The following TRPM6 variants were observed in gnomAD, a reference collection of about 807,000 sequenced individuals.
TRPM6 encodes the protein transient receptor potential cation channel subfamily M member 6, also known as channel kinase 2.
In TRPM6, 111 loss-of-function variants were observed where a neutral mutation model predicts 247.6. That is an observed-to-expected ratio of 0.45 (90% CI 0.38 to 0.52). The LOEUF is 0.52. TRPM6 is among the 20% of genes least tolerant of loss of function. TRPM6 has a pLI of 0.00. For synonymous variants in TRPM6, 892 were observed against 853.8 expected, an observed-to-expected ratio of 1.04 and a Z score of -0.78; for missense variants, 2,126 against 2,421.5, an observed-to-expected ratio of 0.88 and a Z score of 2.56.
intron 25 of TRPM6, among the ~76,000 whole-genome samples, chr9:74,767,327 G>A (rs1464376658): frequency 6.6e-6 from 1 of 152,140 alleles, no homozygotes; most frequent in Non-Finnish European, 1.5e-5. Flanking sequence ...AAAGGGAAAA[G>A]CTGACTTACA....
intron 36 of TRPM6, among the ~76,000 whole-genome samples, chr9:74,736,059 A>G (rs1825684202): frequency 6.6e-6 from 1 of 152,244 alleles, no homozygotes; most frequent in African/African-American, 2.4e-5. Flanking sequence ...CTGCAACTGC[A>G]GATTAACCTC....
intron 36 of TRPM6, among the ~76,000 whole-genome samples, chr9:74,732,954 G>C (rs758970421): frequency 6.6e-6 from 1 of 152,140 alleles, no homozygotes; most frequent in African/African-American, 2.4e-5. Flanking sequence ...AGCTCTTTGG[G>C]GGGTGGAGGT....
intron 1 of TRPM6, among the ~76,000 whole-genome samples, chr9:74,863,740 C>T (rs944316295): frequency 2.0e-5 from 3 of 151,954 alleles, no homozygotes; most frequent in South Asian, 2.1e-4. Context: ...GCACCACCTA[C>T]GCCCGGCTAA....
At chr9:74,790,162 A>G (rs1827853903) in intron 19 of TRPM6, among the ~76,000 whole-genome samples, 2 of 152,230 alleles carry the variant, frequency 1.3e-5, no homozygotes, top group South Asian at 4.2e-4. Context: ...AATAGCTTAA[A>G]CCATTTCTAA....
At chr9:74,745,272 T>C (rs12115197) in intron 31 of TRPM6, among the ~76,000 whole-genome samples, 1,945 of 152,332 alleles carry the variant, frequency 0.013, 35 homozygotes, top group African/African-American at 0.043. Flanking sequence ...GCTTCACTGC[T>C]TAAGGAGCTG....
At chr9:74,858,847 G>T in intron 1 of TRPM6, 99 bp from the exon 2 acceptor site, 1 of 986,074 alleles carries the variant, frequency 1.0e-6, no homozygotes, top group Non-Finnish European at 1.5e-6. Flanking sequence ...TATCATGAAT[G>T]CTAATTAAAA....
intron 21 of TRPM6, among the ~76,000 whole-genome samples, chr9:74,783,177 G>C (rs888192275): frequency 2.3e-5 from 3 of 130,554 alleles, no homozygotes; most frequent in Admixed American, 2.2e-4. Flanking sequence ...TGGACCATAG[G>C]TTAGGAAAAT....
At chr9:74,745,313 A>G (rs956258615) in intron 31 of TRPM6, among the ~76,000 whole-genome samples, 2 of 152,226 alleles carry the variant, frequency 1.3e-5, no homozygotes, top group African/African-American at 4.8e-5. Context: ...TTCAATATAC[A>G]TTTATTGAGT....
intron 2 of TRPM6, among the ~76,000 whole-genome samples, chr9:74,856,455 GTGTGTGTGTGTC>G (rs1041169593): frequency 6.0e-5 from 7 of 117,014 alleles, no homozygotes; most frequent in Non-Finnish European, 1.2e-4. Flanking sequence ...ATGTGTGTGT[GTGTGTGTGTGTC>G]TGTGTGTGTG....
At chr9:74,824,063 G>C (rs1344455771) in intron 7 of TRPM6, among the ~76,000 whole-genome samples, 1 of 151,572 alleles carries the variant, frequency 6.6e-6, no homozygotes. Flanking sequence ...CCTGAATGTG[G>C]AAGTATATAA....
chr9:74,724,565 G>A lies in TRPM6; in HGVS notation c.*48C>T, dbSNP rs1237651358. 9.9e-6 allele frequency: 16 copies of A among 1,613,550 alleles called. No individual in the cohort carries two copies. Among genetic ancestry groups the A allele is most frequent in the Non-Finnish European group, 1.3e-5 (15 of 1,179,794 alleles). ...GTTGATCAATCTATGTTATCACAGA[G>A]TTCCTGGCAGGCAGGGCAAGCACTG... On this transcript the variant is annotated 3_prime_UTR_variant, in exon 39 of 39. Coordinates refer to ENST00000360774, the MANE Select transcript of TRPM6 (RefSeq NM_017662.5).
intron 1 of TRPM6, chr9:74,887,250 G>T (rs972651675): frequency 1.6e-6 from 2 of 1,274,750 alleles, no homozygotes; most frequent in Non-Finnish European, 9.9e-7. Context: ...CGCTGTCATC[G>T]CTCCGGGACT....
intron 33 of TRPM6, among the ~76,000 whole-genome samples, chr9:74,741,259 C>A (rs546920174): frequency 6.6e-6 from 1 of 152,160 alleles, no homozygotes; most frequent in African/African-American, 2.4e-5. Flanking sequence ...GCAACATAAT[C>A]TATATACAAC....
chr9:74,765,737 C>G (rs1022962971), intron 25 of TRPM6, among the ~76,000 whole-genome samples: 1 of 152,128 alleles, frequency 6.6e-6, no homozygotes, highest in Non-Finnish European at 1.5e-5. Flanking sequence ...GTTAGACTTC[C>G]CATCAGGTTT....
At chr9:74,790,310 T>C (rs1401039238) in intron 19 of TRPM6, among the ~76,000 whole-genome samples, 1 of 152,200 alleles carries the variant, frequency 6.6e-6, no homozygotes, top group Non-Finnish European at 1.5e-5. Context: ...TATACTTCTC[T>C]TGGTCTATAT....
chr9:74,769,590 C>G (rs1032770052), intron 25 of TRPM6, among the ~76,000 whole-genome samples: 1 of 151,918 alleles, frequency 6.6e-6, no homozygotes, highest in Non-Finnish European at 1.5e-5. Context: ...AACCCCGTCT[C>G]TACTAAAAAT....
intron 26 of TRPM6, 26 bp downstream of exon 26, chr9:74,761,973 T>C: frequency 1.9e-6 from 3 of 1,608,594 alleles, no homozygotes; most frequent in African/African-American, 2.7e-5. Flanking sequence ...GACTTAATGC[T>C]GATATTTTAA....
intron 1 of TRPM6, among the ~76,000 whole-genome samples, chr9:74,866,012 C>T (rs1234175432): frequency 6.6e-6 from 1 of 152,150 alleles, no homozygotes; most frequent in African/African-American, 2.4e-5. Flanking sequence ...TTAGAAGTTA[C>T]ATGTTTGGCC....
chr9:74,802,252 G>GTTTTTTTTTTT, intron 15 of TRPM6, 77 bp from the exon 16 acceptor site: 1 of 1,356,838 alleles, frequency 7.4e-7, no homozygotes, highest in Admixed American at 1.9e-5. Flanking sequence ...CACAGCAGGT[G>GTTTTTTTTTTT]TCCTAGAGAT....
Sources: gnomAD v4.1 joint callset for allele counts (sites outside exome capture counted in the v4.1 genomes callset) on GRCh38, gnomAD v4.1.1 for gene constraint, MANE v1.5 for transcripts, NCBI Gene and HGNC (gene_info 2026-07-23, HGNC 2026-07-21) for gene names.